SP4: variants seen among roughly 807,000 people sequenced by gnomAD.
SP4 encodes transcription factor Sp4.
Under a neutral mutation model 72.8 loss-of-function variants are expected in SP4, and 19 were observed. That is an observed-to-expected ratio of 0.26 (90% confidence interval 0.18 to 0.38). The LOEUF is 0.38. Ranked by LOEUF, SP4 falls within the 10% of genes least tolerant of loss-of-function variation. The pLI, the probability that SP4 is intolerant of heterozygous loss-of-function variation, is 1.00. For missense variants in SP4, 1,008 were observed against 926.3 expected (o/e 1.09, Z -1.14); for synonymous variants, 395 against 333.1 (o/e 1.19, Z -2.02).
chr7:21,503,014 C>T (rs188961941), intron 5 of SP4, among the ~76,000 whole-genome samples: 155 of 151,974 alleles, frequency 1.0e-3, no homozygotes, highest in African/African-American at 3.4e-3. Context: ...TCCCTTGACT[C>T]GAGTATAGTG....
chr7:21,441,365 G>T (rs1026759588), intron 3 of SP4, among the ~76,000 whole-genome samples: 13 of 152,194 alleles, frequency 8.5e-5, no homozygotes, highest in African/African-American at 3.1e-4. Flanking sequence ...GTTCTCTTCT[G>T]TGTGCTTCCT....
intron 3 of SP4, among the ~76,000 whole-genome samples, chr7:21,476,243 C>G (rs1186585854): frequency 7.8e-6 from 1 of 128,456 alleles, no homozygotes; most frequent in Admixed American, 9.6e-5. Context: ...TACTGCACTC[C>G]AGCCTGGGCG....
intron 3 of SP4, among the ~76,000 whole-genome samples, chr7:21,445,168 CCTTT>C (rs1292088422): frequency 3.3e-5 from 5 of 151,802 alleles, no homozygotes; most frequent in East Asian, 1.9e-4. Flanking sequence ...TTCTTTTTTC[CCTTT>C]CTTTTATTTT....
At chr7:21,501,027 C>T (rs189858006) in intron 5 of SP4, among the ~76,000 whole-genome samples, 40 of 152,134 alleles carry the variant, frequency 2.6e-4, no homozygotes, top group African/African-American at 9.2e-4. Flanking sequence ...AGTTAATTTA[C>T]CTCCTAGCAT....
At chr7:21,480,063 G>C (rs1183493305) in intron 4 of SP4, among the ~76,000 whole-genome samples, 2 of 152,124 alleles carry the variant, frequency 1.3e-5, no homozygotes, top group African/African-American at 4.8e-5. Context: ...TCTGTGAACA[G>C]AGATAGTTTT....
intron 3 of SP4, among the ~76,000 whole-genome samples, chr7:21,434,878 G>A (rs948982700): frequency 1.3e-5 from 2 of 151,576 alleles, no homozygotes; most frequent in African/African-American, 4.9e-5. Flanking sequence ...GACTTCAAAG[G>A]AAAAGCAGAA....
chr7:21,428,701 A>AGGC lies in SP4; in HGVS notation c.36_38dup (p.Ala17dup), dbSNP rs780916479. The AGGC allele has an allele frequency of 3.2e-6, 5 of 1,554,306 alleles. No individual in the cohort carries two copies. The Admixed American group carries it at 5.8e-5, about 18-fold the overall frequency. On this transcript the variant is annotated inframe_insertion, in exon 2 of 6. Coordinates refer to ENST00000222584, the MANE Select transcript of SP4 (RefSeq NM_003112.5). ...GATCAGAAGAAGGAGGAGGAGGAGG[A>AGGC]GGCGGCAGCGGCAGCGGCGATGGCT...
At chr7:21,446,675 A>C (rs1037295435) in intron 3 of SP4, among the ~76,000 whole-genome samples, 1 of 152,216 alleles carries the variant, frequency 6.6e-6, no homozygotes, top group African/African-American at 2.4e-5. Flanking sequence ...GTAGGTACTA[A>C]ATCAGCTTAA....
At chr7:21,450,854 G>C (rs1160238071) in intron 3 of SP4, among the ~76,000 whole-genome samples, 2 of 152,214 alleles carry the variant, frequency 1.3e-5, no homozygotes, top group Non-Finnish European at 2.9e-5. Flanking sequence ...AAGGCAGAGG[G>C]AGAGACTAAG....
chr7:21,504,991 C>G (rs1385589126), intron 5 of SP4, among the ~76,000 whole-genome samples: 1 of 152,226 alleles, frequency 6.6e-6, no homozygotes, highest in African/African-American at 2.4e-5. Context: ...AATGGTTTCT[C>G]TAAAGATGAG....
chr7:21,428,508 C>T (rs1782704488), intron 1 of SP4, among the ~76,000 whole-genome samples, 169 bp from the exon 2 acceptor site: 1 of 152,176 alleles, frequency 6.6e-6, no homozygotes, highest in South Asian at 2.1e-4. Context: ...TGTGATATCC[C>T]CCTCCTCCCT....
intron 5 of SP4, among the ~76,000 whole-genome samples, chr7:21,485,144 A>G (rs1052530430): frequency 4.6e-5 from 7 of 151,944 alleles, no homozygotes; most frequent in Admixed American, 2.0e-4. Context: ...AAGAATATGA[A>G]AAAATATATT....
At position 21,434,561 on chromosome 7, in the gene SP4, T is replaced by C. The variant is rs1270802003; in HGVS notation, c.1678+3718T>C. On this transcript the variant is annotated intron_variant, in intron 3 of 5. Coordinates refer to ENST00000222584, the MANE Select transcript of SP4 (RefSeq NM_003112.5). ...AATATGTGTATGCTCTGCATACTTTTTGTTTTGTTATTGGGATTCTAAATT... is the reference window on the plus strand; with the variant it reads ...AATATGTGTATGCTCTGCATACTTTCTGTTTTGTTATTGGGATTCTAAATT... Among the ~76,000 whole-genome samples the C allele has an allele frequency of 2.0e-5, 3 of 152,226 alleles. No individual in the cohort carries two copies. The East Asian group carries it at 5.8e-4, about 29-fold the overall frequency.
At chr7:21,462,447 G>C (rs933435144) in intron 3 of SP4, among the ~76,000 whole-genome samples, 1 of 152,154 alleles carries the variant, frequency 6.6e-6, no homozygotes, top group Non-Finnish European at 1.5e-5. Context: ...GTTTGAATCT[G>C]GATGACCATG....
Position 21,449,128 on chromosome 7 carries a change from G to C in SP4, c.1678+18285G>C, listed in dbSNP as rs1357055729. Among the ~76,000 whole-genome samples, 4 of 152,244 alleles carry C rather than the reference G, an allele frequency of 2.6e-5. No individual in the cohort carries two copies. The East Asian group carries it at 7.7e-4, about 29-fold the overall frequency. ...TGCTCTAATCACCCCCCAGGGCGAG[G>C]TACCAAACAACTAGGGACAGCCCCT... is the stretch of plus-strand genomic sequence containing the variant. On this transcript the variant is annotated intron_variant, in intron 3 of 5. Coordinates refer to ENST00000222584, the MANE Select transcript of SP4 (RefSeq NM_003112.5).
At chr7:21,485,412 TAAG>T (rs1390676392) in intron 5 of SP4, among the ~76,000 whole-genome samples, 1 of 151,976 alleles carries the variant, frequency 6.6e-6, no homozygotes, top group African/African-American at 2.4e-5. Context: ...TTTACTGTAA[TAAG>T]GAGGCTCTTT....
chr7:21,491,198 CA>C (rs1375404486), intron 5 of SP4, among the ~76,000 whole-genome samples: 1 of 152,002 alleles, frequency 6.6e-6, no homozygotes, highest in Non-Finnish European at 1.5e-5. Flanking sequence ...AAGTTTTTAG[CA>C]GAGAAATCTG....
intron 5 of SP4, among the ~76,000 whole-genome samples, chr7:21,490,696 C>T (rs1784954192): frequency 8.7e-6 from 1 of 114,442 alleles, no homozygotes; most frequent in Admixed American, 8.3e-5. Flanking sequence ...GTCCTGGGTT[C>T]AACCTTGCAC....
chr7:21,443,754 G>A (rs1783334835), intron 3 of SP4, among the ~76,000 whole-genome samples: 1 of 152,110 alleles, frequency 6.6e-6, no homozygotes, highest in African/African-American at 2.4e-5. Flanking sequence ...AGAGAGAAGA[G>A]GAAGAGACTA....
Sources: allele counts gnomAD v4.1 joint callset (sites outside exome capture counted in the v4.1 genomes callset), GRCh38; gene constraint gnomAD v4.1.1; transcripts MANE v1.5; gene names NCBI Gene and HGNC (gene_info 2026-07-23, HGNC 2026-07-21).